The following NKAIN2 variants were observed in gnomAD, a reference collection of about 807,000 sequenced individuals.
NKAIN2 encodes the protein sodium/potassium transporting ATPase interacting 2, also known as sodium/potassium-transporting ATPase subunit beta-1-interacting protein 2.
Under a neutral mutation model 32.6 loss-of-function variants are expected in NKAIN2, and 14 were observed. That is an observed-to-expected ratio of 0.43 (90% confidence interval 0.28 to 0.67). The LOEUF (loss-of-function observed/expected upper bound fraction) is 0.67, where lower values mean the gene tolerates loss of function less well. Ranked by LOEUF, NKAIN2 falls within the 30% of genes least tolerant of loss-of-function variation. The pLI is 0.17. For missense variants in NKAIN2, 198 were observed against 258.3 expected (o/e 0.77, Z 1.60); for synonymous variants, 80 against 87.2 (o/e 0.92, Z 0.46).
chr6:124,614,651 C>A (rs907913487), intron 3 of NKAIN2, among the ~76,000 whole-genome samples: 1 of 152,092 alleles, frequency 6.6e-6, no homozygotes, highest in Admixed American at 6.6e-5. Flanking sequence ...TCACTCCTCA[C>A]TCTACTCTTT....
chr6:124,577,342 T>A (rs182294135), intron 3 of NKAIN2, among the ~76,000 whole-genome samples: 1 of 152,074 alleles, frequency 6.6e-6, no homozygotes, highest in African/African-American at 2.4e-5. Flanking sequence ...TCACCACCCC[T>A]CCTGCACCCC....
intron 1 of NKAIN2, among the ~76,000 whole-genome samples, chr6:124,123,569 G>C (rs1372686237): frequency 2.0e-5 from 3 of 151,996 alleles, no homozygotes; most frequent in African/African-American, 7.2e-5. Context: ...CAATATCTAA[G>C]ACTGTCATTT....
At chr6:124,553,290 G>A (rs190038283) in intron 3 of NKAIN2, among the ~76,000 whole-genome samples, 45 of 152,156 alleles carry the variant, frequency 3.0e-4, no homozygotes, top group African/African-American at 7.2e-4. Flanking sequence ...TGTGCCAAAC[G>A]TATACAGGAT....
At chr6:123,967,663 A>G (rs1244938124) in intron 1 of NKAIN2, among the ~76,000 whole-genome samples, 3 of 152,160 alleles carry the variant, frequency 2.0e-5, no homozygotes, top group Non-Finnish European at 4.4e-5. Flanking sequence ...CCCAATGTGA[A>G]CTGACACATT....
intron 1 of NKAIN2, among the ~76,000 whole-genome samples, chr6:124,007,141 T>C (rs775188179): frequency 6.6e-6 from 1 of 152,202 alleles, no homozygotes; most frequent in Non-Finnish European, 1.5e-5. Flanking sequence ...GTTACTGTGC[T>C]GAATATTGTA....
chr6:123,845,586 T>C (rs1004779986), intron 1 of NKAIN2, among the ~76,000 whole-genome samples: 1 of 152,074 alleles, frequency 6.6e-6, no homozygotes, highest in East Asian at 1.9e-4. Flanking sequence ...CATAATCAGG[T>C]TTTTTCAGCC....
rs2114892006 is a variant in NKAIN2 at position 124,824,413 on chromosome 6, AT to A, written c.*1187del. On this transcript the variant is annotated 3_prime_UTR_variant, in exon 7 of 7. Coordinates refer to ENST00000368417, the MANE Select transcript of NKAIN2 (RefSeq NM_001040214.3). Reference sequence around the variant, plus strand: ...GAAATATTTGAGATCTTTTTGTGGTATTTGGGGGATCTGTTGTGTGTTAGAG... The same window carrying A: ...GAAATATTTGAGATCTTTTTGTGGTATTGGGGGATCTGTTGTGTGTTAGAG... 6.6e-6 allele frequency: 1 copy of A among 152,104 alleles called. No individual in the cohort carries two copies. The highest frequency in any genetic ancestry group is 2.1e-4 in the South Asian group (1 of 4,822). The allele number at this position is 152,104 out of a possible 1,614,324, so 9.4% of individuals were successfully genotyped here.
intron 2 of NKAIN2, among the ~76,000 whole-genome samples, chr6:124,303,036 C>T (rs1796356982): frequency 6.6e-6 from 1 of 152,082 alleles, no homozygotes; most frequent in Non-Finnish European, 1.5e-5. Context: ...CATCTTTGGT[C>T]TGATTCAATA....
intron 1 of NKAIN2, among the ~76,000 whole-genome samples, chr6:123,840,833 T>A (rs1425362838): frequency 1.3e-5 from 2 of 152,198 alleles, no homozygotes; most frequent in Non-Finnish European, 2.9e-5. Flanking sequence ...ATTTTTATAG[T>A]TTATATACTA....
intron 1 of NKAIN2, among the ~76,000 whole-genome samples, chr6:124,249,331 C>T (rs1523979): frequency 0.23 from 35,212 of 151,868 alleles, 4,251 homozygotes; most frequent in East Asian, 0.27. Flanking sequence ...GTCATTATAA[C>T]GAATCAAAGG....
chr6:124,794,372 A>G (rs1346002492), intron 5 of NKAIN2, among the ~76,000 whole-genome samples: 1 of 152,196 alleles, frequency 6.6e-6, no homozygotes, highest in Non-Finnish European at 1.5e-5. Context: ...TGGCCAAAGC[A>G]ATGTAAATTC....
At chr6:124,694,127 CAT>C (rs1266191634) in intron 4 of NKAIN2, among the ~76,000 whole-genome samples, 4 of 152,128 alleles carry the variant, frequency 2.6e-5, no homozygotes, top group Admixed American at 6.5e-5. Context: ...GAATATTTAA[CAT>C]AGAGTATGTA....
At chr6:124,380,202 G>T (rs1296091937) in intron 3 of NKAIN2, among the ~76,000 whole-genome samples, 1 of 152,228 alleles carries the variant, frequency 6.6e-6, no homozygotes, top group Admixed American at 6.5e-5. Flanking sequence ...TCATCTGTGA[G>T]GGCTGCTTTC....
intron 3 of NKAIN2, among the ~76,000 whole-genome samples, chr6:124,394,245 T>C (rs925608682): frequency 1.4e-4 from 21 of 152,190 alleles, no homozygotes; most frequent in African/African-American, 4.3e-4. Context: ...ATCTATAAAA[T>C]GGCTGGGTTA....
chr6:124,056,303 A>C (rs1413350554), intron 1 of NKAIN2, among the ~76,000 whole-genome samples: 1 of 151,864 alleles, frequency 6.6e-6, no homozygotes, highest in Non-Finnish European at 1.5e-5. Context: ...AAAATAATAA[A>C]GCTATATATC....
In NKAIN2 at chr6:124,355,271, C is replaced by A; in HGVS notation, c.197C>A (p.Ala66Asp). 1 of 1,593,116 alleles carries A rather than the reference C, an allele frequency of 6.3e-7. No individual in the cohort carries two copies. Among genetic ancestry groups the A allele is most frequent in the Non-Finnish European group, 8.6e-7 (1 of 1,161,108 alleles). The change falls in exon 3 of 7, where the codon GCT becomes GAT. Residue 66 changes from alanine (A) to aspartate (D), a missense_variant. Coordinates refer to ENST00000368417, the MANE Select transcript of NKAIN2 (RefSeq NM_001040214.3). Reference sequence around the variant, plus strand: ...TTCTCTCTTGCTTCTCTACAGTATGCTGTCTGGCTAGTCCTCTGGGTTACG... The same window carrying A: ...TTCTCTCTTGCTTCTCTACAGTATGATGTCTGGCTAGTCCTCTGGGTTACG... Reference protein sequence around the residue: ...QYRPRYITGYAVWLVLWVTWN... With the variant: ...QYRPRYITGYDVWLVLWVTWN...
At chr6:123,863,689 C>T (rs1775876399) in intron 1 of NKAIN2, among the ~76,000 whole-genome samples, 1 of 152,152 alleles carries the variant, frequency 6.6e-6, no homozygotes, top group South Asian at 2.1e-4. Flanking sequence ...TAAAGTTCCT[C>T]CTGGACTTAC....
At chr6:123,913,738 TCTTATTGAC>T (rs774003992) in intron 1 of NKAIN2, among the ~76,000 whole-genome samples, 3 of 152,172 alleles carry the variant, frequency 2.0e-5, no homozygotes, top group African/African-American at 4.8e-5. Flanking sequence ...ATTTTAATAT[TCTTATTGAC>T]CATATTGGAG....
intron 4 of NKAIN2, among the ~76,000 whole-genome samples, chr6:124,699,961 C>A (rs530668191): frequency 6.6e-6 from 1 of 152,204 alleles, no homozygotes; most frequent in East Asian, 1.9e-4. Context: ...TGTCAACAAA[C>A]AAATGGGGGA....
Sources: gnomAD v4.1 joint callset for allele counts (sites outside exome capture counted in the v4.1 genomes callset) on GRCh38, gnomAD v4.1.1 for gene constraint, MANE v1.5 for transcripts, NCBI Gene and HGNC (gene_info 2026-07-23, HGNC 2026-07-21) for gene names.